Variants in INPP4B observed in about 807,000 individuals in gnomAD.
INPP4B encodes inositol polyphosphate 4-phosphatase type II.
A neutral mutation model predicts 122.5 loss-of-function variants in INPP4B; 55 were observed. The observed-to-expected ratio is 0.45, with a 90% CI of 0.36 to 0.56. The LOEUF is 0.56. Ranked by LOEUF, INPP4B falls within the 20% of genes least tolerant of loss-of-function variation. The pLI is 0.00. For synonymous variants in INPP4B, 403 were observed against 388.7 expected (o/e 1.04, Z -0.43); for missense variants, 1,000 against 1,097.7 (o/e 0.91, Z 1.26).
intron 25 of INPP4B, chr4:142,029,918 G>A: frequency 8.0e-7 from 1 of 1,247,422 alleles, no homozygotes. Context: ...AGTTAACAGT[G>A]GGAAACACCT....
intron 2 of INPP4B, among the ~76,000 whole-genome samples, chr4:142,660,470 T>C (rs1197755056): frequency 6.6e-6 from 1 of 152,054 alleles, no homozygotes; most frequent in Non-Finnish European, 1.5e-5. Flanking sequence ...TCCTCCTTGG[T>C]TCTCTCTTCA....
chr4:142,719,511 A>G (rs1764230236), intron 2 of INPP4B, among the ~76,000 whole-genome samples: 1 of 151,878 alleles, frequency 6.6e-6, no homozygotes, highest in South Asian at 2.1e-4. Context: ...TTTAGTAAAA[A>G]TGGGGTTTCG....
intron 11 of INPP4B, among the ~76,000 whole-genome samples, chr4:142,245,392 A>G (rs188319139): frequency 4.9e-4 from 75 of 152,236 alleles, no homozygotes; most frequent in African/African-American, 1.8e-3. Flanking sequence ...AACTTTTTGA[A>G]TAAGTTGTAA....
chr4:142,844,883 G>C (rs775769022), intron 1 of INPP4B, among the ~76,000 whole-genome samples: 2 of 152,228 alleles, frequency 1.3e-5, no homozygotes, highest in Non-Finnish European at 1.5e-5. Flanking sequence ...TCTTGAGAGA[G>C]AGAAGATGAA....
In INPP4B at chr4:142,398,388, AAAAAAAAAAAAAAATATATATATATAT is replaced by A. The variant is rs1402369841; in HGVS notation, c.372+4523_372+4549del. On this transcript the variant is annotated intron_variant, in intron 7 of 25. Transcript: ENST00000262992. ...GCCAGACTCTGTCTAAAAAAAAAAA[AAAAAAAAAAAAAAATATATATATATAT>A]ATATATATATATATATATATATATA... Among the ~76,000 whole-genome samples the A allele has an allele frequency of 6.4e-4, 18 of 28,224 alleles. 1 individual carries two copies. The South Asian group carries it at 0.013, about 20-fold the overall frequency. The allele number at this position is 28,224 out of a possible 152,430, so 18.5% of individuals were successfully genotyped here.
intron 23 of INPP4B, chr4:142,096,142 T>C (rs1392183290): frequency 6.6e-6 from 1 of 152,190 alleles, no homozygotes; most frequent in Non-Finnish European, 1.5e-5. Flanking sequence ...ATGTGCAGAC[T>C]TACTAGACTG....
chr4:142,740,474 A>C (rs1767742706), intron 1 of INPP4B, among the ~76,000 whole-genome samples: 1 of 152,064 alleles, frequency 6.6e-6, no homozygotes, highest in African/African-American at 2.4e-5. Context: ...AAAAGTAAGG[A>C]TGATCTCACA....
At chr4:142,498,560 G>T (rs1360186472) in intron 2 of INPP4B, among the ~76,000 whole-genome samples, 1 of 152,048 alleles carries the variant, frequency 6.6e-6, no homozygotes, top group Non-Finnish European at 1.5e-5. Flanking sequence ...AGGTGGAGGT[G>T]GGAGGATTGC....
intron 2 of INPP4B, among the ~76,000 whole-genome samples, chr4:142,559,613 ATT>A (rs1730008171): frequency 6.6e-6 from 1 of 152,186 alleles, no homozygotes; most frequent in South Asian, 2.1e-4. Context: ...TTTTATCAAT[ATT>A]GTGATTTAAT....
At chr4:142,283,105 T>C (rs1751947590) in intron 9 of INPP4B, among the ~76,000 whole-genome samples, 1 of 151,990 alleles carries the variant, frequency 6.6e-6, no homozygotes, top group African/African-American at 2.4e-5. Flanking sequence ...GAAGAGGAGA[T>C]GTATCCGATT....
At chr4:142,252,083 T>A (rs773192918) in intron 11 of INPP4B, among the ~76,000 whole-genome samples, 1 of 152,158 alleles carries the variant, frequency 6.6e-6, no homozygotes, top group African/African-American at 2.4e-5. Context: ...TCCTCATTTG[T>A]GAAATATGGA....
chr4:142,213,859 A>G (rs1845893589), intron 12 of INPP4B, among the ~76,000 whole-genome samples: 1 of 152,088 alleles, frequency 6.6e-6, no homozygotes. Flanking sequence ...TTTTTATACC[A>G]GTGCAAGTTC....
At chr4:142,712,729 C>T (rs1763267104) in intron 2 of INPP4B, among the ~76,000 whole-genome samples, 1 of 152,080 alleles carries the variant, frequency 6.6e-6, no homozygotes. Flanking sequence ...TAAGATTTTT[C>T]CCCTAATAAT....
intron 1 of INPP4B, among the ~76,000 whole-genome samples, chr4:142,779,847 GT>G (rs1561060080): frequency 6.6e-6 from 1 of 152,174 alleles, no homozygotes; most frequent in East Asian, 1.9e-4. Context: ...AGTAATTGAG[GT>G]TTTTGCCATT....
At chr4:142,336,269 C>A (rs1157600603) in intron 7 of INPP4B, among the ~76,000 whole-genome samples, 2 of 152,218 alleles carry the variant, frequency 1.3e-5, no homozygotes, top group East Asian at 3.8e-4. Flanking sequence ...ACAAAAGGAG[C>A]TGTAATACTG....
At chr4:142,441,928 C>G (rs1038507928) in intron 3 of INPP4B, among the ~76,000 whole-genome samples, 1 of 149,848 alleles carries the variant, frequency 6.7e-6, no homozygotes, top group African/African-American at 2.5e-5. Flanking sequence ...GAGATACAAG[C>G]AAGGCAAAAT....
chr4:142,380,536 AC>A (rs1793720473), intron 7 of INPP4B, among the ~76,000 whole-genome samples: 1 of 152,184 alleles, frequency 6.6e-6, no homozygotes. Flanking sequence ...TTCTCTCAGG[AC>A]AATGTATTTT....
At chr4:142,067,084 A>T (rs1763945850) in intron 25 of INPP4B, among the ~76,000 whole-genome samples, 1 of 152,166 alleles carries the variant, frequency 6.6e-6, no homozygotes, top group African/African-American at 2.4e-5. Context: ...GTAGGGGCCC[A>T]CTGACACCTC....
At chr4:142,242,751 T>C (rs1860095405) in intron 11 of INPP4B, among the ~76,000 whole-genome samples, 1 of 152,312 alleles carries the variant, frequency 6.6e-6, no homozygotes, top group Non-Finnish European at 1.5e-5. Flanking sequence ...CAGTTTCTAC[T>C]ACCTCCCTCC....
Sources: gnomAD v4.1 joint callset for allele counts (sites outside exome capture counted in the v4.1 genomes callset) on GRCh38, gnomAD v4.1.1 for gene constraint, MANE v1.5 for transcripts, NCBI Gene and HGNC (gene_info 2026-07-23, HGNC 2026-07-21) for gene names.